Variants in OR2C1 observed in about 807,000 individuals in gnomAD.
The protein encoded by OR2C1 is olfactory receptor 2C1.
For missense variants in OR2C1, 468 were observed against 388.3 expected, an observed-to-expected ratio of 1.21 and a Z score of -1.73; for synonymous variants, 209 against 167.3, an observed-to-expected ratio of 1.25 and a Z score of -1.92.
At chr16:3,338,928 T>G in the OR2C1 span, among the ~76,000 whole-genome samples, 2 of 152,230 alleles carry the variant, frequency 1.3e-5, no homozygotes, top group African/African-American at 2.4e-5. Flanking sequence ...TACACAATGT[T>G]GTTTAACCAC....
chr16:3,356,515 C>T lies in OR2C1; in HGVS notation c.575C>T (p.Thr192Ile). The T allele has an allele frequency of 6.2e-7, 1 of 1,614,134 alleles. No homozygotes were observed. Among genetic ancestry groups the T allele is most frequent in the African/African-American group, 1.3e-5 (1 of 75,066 alleles). ...ATGATCAAACTGGCCTGTGGCGACA[C>T]AAGTCTCAACCAGGCTGTGCTCAAT... is the stretch of plus-strand genomic sequence containing the variant. ...PAMIKLACGD[T>I]SLNQAVLNGV... The change falls in exon 1 of 1, where the codon ACA (threonine) becomes ATA (isoleucine). Residue 192 changes from threonine to isoleucine, a missense_variant. Physicochemically the swap from Thr to Ile is moderately conservative, Grantham distance 89. Transcript: ENST00000304936.
chr16:3,337,246 C>G, the OR2C1 span, among the ~76,000 whole-genome samples: 1 of 152,082 alleles, frequency 6.6e-6, no homozygotes, highest in Non-Finnish European at 1.5e-5. Context: ...CCTGCACCTC[C>G]TGGGTTCAAG....
At chr16:3,334,441 A>G in the OR2C1 span, among the ~76,000 whole-genome samples, 3 of 150,856 alleles carry the variant, frequency 2.0e-5, no homozygotes, top group South Asian at 6.3e-4. Context: ...ACAGCCTGCT[A>G]ATTTTTTTTA....
At chr16:3,323,017 C>T in the OR2C1 span, 2 of 749,542 alleles carry the variant, frequency 2.7e-6, no homozygotes, top group African/African-American at 3.8e-5. Flanking sequence ...ATGAGAGGTA[C>T]TTGCCATGAA....
At chr16:3,355,132 G>A (rs1041450370), upstream of OR2C1, among the ~76,000 whole-genome samples, 2 of 151,798 alleles carry the variant, frequency 1.3e-5, no homozygotes, top group East Asian at 1.9e-4. Flanking sequence ...TTTTCCATTC[G>A]GTGTGTAACC....
At chr16:3,345,575 A>C in the OR2C1 span, among the ~76,000 whole-genome samples, 2 of 152,158 alleles carry the variant, frequency 1.3e-5, no homozygotes, top group Non-Finnish European at 2.9e-5. Context: ...ATACACACAC[A>C]CATATATTTG....
the OR2C1 span, among the ~76,000 whole-genome samples, chr16:3,343,440 T>A: frequency 6.6e-6 from 1 of 152,102 alleles, no homozygotes. Flanking sequence ...TTTACCTCAA[T>A]ACATTTTTCA....
chr16:3,331,108 G>A, the OR2C1 span, among the ~76,000 whole-genome samples: 13 of 152,106 alleles, frequency 8.5e-5, no homozygotes, highest in Non-Finnish European at 1.0e-4. Context: ...ATCTCATTGT[G>A]GTTTTGATTT....
chr16:3,349,766 G>C, the OR2C1 span, among the ~76,000 whole-genome samples: 2 of 151,912 alleles, frequency 1.3e-5, no homozygotes, highest in Non-Finnish European at 1.5e-5. Context: ...GCCAGGCGTG[G>C]TGGTACATGC....
the OR2C1 span, among the ~76,000 whole-genome samples, chr16:3,327,425 A>G: frequency 1.3e-5 from 2 of 152,114 alleles, no homozygotes; most frequent in African/African-American, 4.8e-5. Flanking sequence ...CCATAGGAGC[A>G]AAGCTCATTG....
chr16:3,331,109 G>C, the OR2C1 span, among the ~76,000 whole-genome samples: 1 of 152,120 alleles, frequency 6.6e-6, no homozygotes, highest in South Asian at 2.1e-4. Flanking sequence ...TCTCATTGTG[G>C]TTTTGATTTG....
chr16:3,337,278 C>A, the OR2C1 span, among the ~76,000 whole-genome samples: 6 of 152,178 alleles, frequency 3.9e-5, no homozygotes, highest in Non-Finnish European at 7.4e-5. Context: ...CCTCAGCCTC[C>A]CAAGTAGCTG....
upstream of OR2C1, among the ~76,000 whole-genome samples, chr16:3,355,288 C>G (rs1202732588): frequency 1.3e-5 from 2 of 151,138 alleles, no homozygotes; most frequent in African/African-American, 2.4e-5. Context: ...TGGTGAAACC[C>G]CGTCTCTACT....
chr16:3,325,481 A>C, the OR2C1 span, among the ~76,000 whole-genome samples: 1,114 of 103,188 alleles, frequency 0.011, 21 homozygotes, highest in African/African-American at 0.027. Context: ...ATATATATAT[A>C]TATATATATA....
chr16:3,334,357 C>T, the OR2C1 span, among the ~76,000 whole-genome samples: 2 of 151,134 alleles, frequency 1.3e-5, no homozygotes, highest in East Asian at 2.0e-4. Context: ...AGGATGGTCT[C>T]GATCTCTTGA....
chr16:3,323,935 G>C, the OR2C1 span: 1 of 804,434 alleles, frequency 1.2e-6, no homozygotes, highest in African/African-American at 1.7e-5. Context: ...TCTTTCTAGT[G>C]TTGTAGCTGC....
chr16:3,338,421 A>G, the OR2C1 span, among the ~76,000 whole-genome samples: 1 of 149,774 alleles, frequency 6.7e-6, no homozygotes, highest in Non-Finnish European at 1.5e-5. Flanking sequence ...GTTAGGGGAG[A>G]TTTTTCCATG....
chr16:3,336,289 GT>G, the OR2C1 span, among the ~76,000 whole-genome samples: 5 of 152,238 alleles, frequency 3.3e-5, no homozygotes, highest in East Asian at 9.6e-4. Flanking sequence ...GTGTTACTGA[GT>G]TTGGTTTGCT....
chr16:3,335,333 TG>T, the OR2C1 span, among the ~76,000 whole-genome samples: 1 of 152,186 alleles, frequency 6.6e-6, no homozygotes, highest in African/African-American at 2.4e-5. Flanking sequence ...TTCCATTTTT[TG>T]GTGTGTATGC....
Sources: gnomAD v4.1 joint callset for allele counts (sites outside exome capture counted in the v4.1 genomes callset) on GRCh38, gnomAD v4.1.1 for gene constraint, MANE v1.5 for transcripts, NCBI Gene and HGNC (gene_info 2026-07-23, HGNC 2026-07-21) for gene names.